The following PLPP3 variants were observed in gnomAD, a reference collection of about 807,000 sequenced individuals.
The protein encoded by PLPP3 is phospholipid phosphatase 3, also known as PAP2 beta.
PLPP3 carries 6 observed loss-of-function variants against 29.6 expected under a neutral mutation model. The observed-to-expected ratio is 0.20, with a 90% confidence interval of 0.11 to 0.40. The LOEUF (loss-of-function observed/expected upper bound fraction) is 0.40, where lower values mean the gene tolerates loss of function less well. PLPP3 is among the 10% of genes least tolerant of loss of function. PLPP3 has a pLI of 1.00. For synonymous variants in PLPP3, 152 were observed against 159.7 expected (o/e 0.95, Z 0.36); for missense variants, 308 against 407.7 (o/e 0.76, Z 2.11).
At chr1:56,566,642 G>T (rs987158634) in intron 1 of PLPP3, among the ~76,000 whole-genome samples, 2 of 152,160 alleles carry the variant, frequency 1.3e-5, no homozygotes, top group African/African-American at 4.8e-5. Context: ...AACCAGGTTT[G>T]AAACATTTCC....
intron 1 of PLPP3, among the ~76,000 whole-genome samples, chr1:56,555,462 A>C (rs112600505): frequency 0.27 from 31,170 of 114,476 alleles, 4,181 homozygotes; most frequent in Non-Finnish European, 0.3. Context: ...AAAAAAAAAC[A>C]AAAAACAAAC....
intron 5 of PLPP3, among the ~76,000 whole-genome samples, chr1:56,503,513 AC>A (rs1320343536): frequency 3.3e-5 from 5 of 151,990 alleles, no homozygotes; most frequent in Admixed American, 6.6e-5. Context: ...ACATGGAGAA[AC>A]CCTGTCTCTA....
chr1:56,557,819 T>C (rs1646095313), intron 1 of PLPP3, among the ~76,000 whole-genome samples: 1 of 152,214 alleles, frequency 6.6e-6, no homozygotes, highest in Non-Finnish European at 1.5e-5. Context: ...AGAAACCTTA[T>C]ACTTCCTCCA....
At chr1:56,577,925 T>TA (rs35749896) in intron 1 of PLPP3, among the ~76,000 whole-genome samples, 10,360 of 145,918 alleles carry the variant, frequency 0.071, 615 homozygotes, top group East Asian at 0.29. Context: ...TGATTCGCTT[T>TA]AAAAAAAAAA....
intron 1 of PLPP3, among the ~76,000 whole-genome samples, chr1:56,559,585 T>C (rs1478948844): frequency 1.3e-5 from 2 of 150,826 alleles, no homozygotes; most frequent in Admixed American, 1.3e-4. Context: ...ACTAAGAATA[T>C]ATTACTGTGC....
intron 1 of PLPP3, among the ~76,000 whole-genome samples, chr1:56,578,269 T>G (rs1646249637): frequency 6.6e-6 from 1 of 152,138 alleles, no homozygotes; most frequent in Non-Finnish European, 1.5e-5. Context: ...TGAAGCCGCC[T>G]ACCACCTGGC....
chr1:56,538,552 A>G (rs1435031203), intron 1 of PLPP3: 1 of 386,176 alleles, frequency 2.6e-6, no homozygotes, highest in South Asian at 2.4e-5. Context: ...ATGAGAATCT[A>G]TGAGAAAGGT....
chr1:56,518,747 A>ATATATATATAT (rs1178760772), intron 4 of PLPP3, among the ~76,000 whole-genome samples: 1 of 148,726 alleles, frequency 6.7e-6, no homozygotes. Flanking sequence ...ACAGGGTCTC[A>ATATATATATAT]CTATGTTGCC....
At chr1:56,504,414 G>A (rs1010482789) in intron 5 of PLPP3, among the ~76,000 whole-genome samples, 1 of 152,122 alleles carries the variant, frequency 6.6e-6, no homozygotes, top group African/African-American at 2.4e-5. Context: ...GAGTACCCAG[G>A]GGACTGACAG....
At chr1:56,578,813 T>C in intron 1 of PLPP3, 65 bp downstream of exon 1, 1 of 1,415,648 alleles carries the variant, frequency 7.1e-7, no homozygotes, top group African/African-American at 1.5e-5. Context: ...GGCCCCGGAC[T>C]GGGCTGGGAC....
At chr1:56,569,077 T>C (rs925559360) in intron 1 of PLPP3, among the ~76,000 whole-genome samples, 1 of 152,150 alleles carries the variant, frequency 6.6e-6, no homozygotes, top group Non-Finnish European at 1.5e-5. Context: ...TAAGATTAAA[T>C]TAATTCCCTC....
rs1472599007 is a variant in PLPP3, at chr1:56,496,485, T to C, written c.*66A>G. 28 of 1,577,188 alleles carry C rather than the reference T, an allele frequency of 1.8e-5. No homozygotes were observed. ...CCTACATTCTACTGTCTGATGAGAT[T>C]GGAGAGCAGCAAGAACTTGCTGTCA... On this transcript the variant is annotated 3_prime_UTR_variant, in exon 6 of 6. Coordinates refer to ENST00000371250, the MANE Select transcript of PLPP3 (RefSeq NM_003713.5).
chr1:56,511,942 T>G, intron 5 of PLPP3, 34 bp downstream of exon 5: 3 of 1,610,218 alleles, frequency 1.9e-6, no homozygotes, highest in Non-Finnish European at 2.5e-6. Context: ...AGTCCAGGGC[T>G]CCACTTGCAT....
intron 1 of PLPP3, among the ~76,000 whole-genome samples, chr1:56,543,966 A>T (rs1011228287): frequency 6.6e-6 from 1 of 152,166 alleles, no homozygotes; most frequent in South Asian, 2.1e-4. Context: ...ACAAACAAGT[A>T]TGGCTCTTTC....
chr1:56,516,272 G>A (rs1367031993), intron 4 of PLPP3, among the ~76,000 whole-genome samples: 1 of 152,054 alleles, frequency 6.6e-6, no homozygotes, highest in Non-Finnish European at 1.5e-5. Flanking sequence ...GCCACTCCAG[G>A]CCACAGGTTT....
In PLPP3 at chr1:56,524,611, T is replaced by C. The variant is rs200564962; in HGVS notation, c.298-57A>G. 9 of 1,550,620 alleles carry C rather than the reference T, an allele frequency of 5.8e-6. No homozygotes were observed. The East Asian group carries it at 1.8e-4, about 31-fold the overall frequency. On this transcript the variant is annotated intron_variant, in intron 2 of 5. Coordinates refer to ENST00000371250, the MANE Select transcript of PLPP3 (RefSeq NM_003713.5). This position sits in a 1 kb window ranked among gnomAD's most constrained non-coding sequence, Gnocchi z 4.3. ...TATCAAGATTCATCATCAACACTGA[T>C]GCCGTAACGGATATTCAACAACACA...
intron 5 of PLPP3, among the ~76,000 whole-genome samples, chr1:56,506,428 A>G (rs144291059): frequency 3.9e-5 from 6 of 152,256 alleles, no homozygotes; most frequent in East Asian, 1.9e-4. Flanking sequence ...GCCCTTCCCT[A>G]CATCTGGAGG....
intron 1 of PLPP3, among the ~76,000 whole-genome samples, chr1:56,570,650 A>G (rs925865186): frequency 6.6e-5 from 10 of 152,242 alleles, no homozygotes; most frequent in Non-Finnish European, 1.3e-4. Context: ...GGCACTGACA[A>G]TGCGTGACCT....
At chr1:56,568,031 C>T (rs1646173181) in intron 1 of PLPP3, among the ~76,000 whole-genome samples, 1 of 152,102 alleles carries the variant, frequency 6.6e-6, no homozygotes, top group African/African-American at 2.4e-5. Context: ...TGGAAGAAGC[C>T]AGTCACGAAA....
Sources: allele counts gnomAD v4.1 joint callset (sites outside exome capture counted in the v4.1 genomes callset), GRCh38; gene constraint gnomAD v4.1.1; non-coding constraint Gnocchi (gnomAD v3.1); transcripts MANE v1.5; gene names NCBI Gene and HGNC (gene_info 2026-07-23, HGNC 2026-07-21).